Variants in POGLUT3 observed in about 807,000 individuals in gnomAD.
POGLUT3 encodes KDEL (Lys-Asp-Glu-Leu) containing 2.
POGLUT3 carries 48 observed loss-of-function variants against 54.3 expected under a neutral mutation model. The observed-to-expected ratio is 0.88, with a 90% CI of 0.70 to 1.12. POGLUT3 has a LOEUF of 1.12. Ranked by LOEUF, POGLUT3 falls within the 50% of genes most tolerant of loss-of-function variation. The probability of loss-of-function intolerance (pLI) is 0.00; values close to 1 mark genes in which losing one functional copy is unlikely to be tolerated. For synonymous variants in POGLUT3, 218 were observed against 237.4 expected (o/e 0.92, Z 0.75); for missense variants, 629 against 618.7 (o/e 1.02, Z -0.18).
In POGLUT3 at chr11:108,491,023, A is replaced by G; in HGVS notation, c.347T>C (p.Ile116Thr). ...MYETVDEGLK[I>T]EVLYGDEHVA... Reference sequence around the variant, plus strand: ...ATGTTCATCACCATAAAGGACCTCTATCTTCAGGCCTTCATCGACAGTTTC... The same window carrying G: ...ATGTTCATCACCATAAAGGACCTCTGTCTTCAGGCCTTCATCGACAGTTTC... The change falls in exon 2 of 8, where the codon ATA becomes ACA. Residue 116 changes from isoleucine to threonine, a missense_variant. Physicochemically the swap from Ile to Thr is moderately conservative, Grantham distance 89. Transcript: ENST00000323468. The G allele has an allele frequency of 6.2e-7, 1 of 1,614,084 alleles. No individual in the cohort carries two copies. The highest frequency in any genetic ancestry group is 1.1e-5 in the South Asian group (1 of 91,090).
chr11:108,477,053 T>C (rs2093583265), intron 7 of POGLUT3, among the ~76,000 whole-genome samples: 1 of 152,126 alleles, frequency 6.6e-6, no homozygotes, highest in South Asian at 2.1e-4. Flanking sequence ...GTTGCTAATC[T>C]ATATTTGTGA....
At chr11:108,476,178 G>A (rs2093581391) in intron 7 of POGLUT3, among the ~76,000 whole-genome samples, 1 of 152,154 alleles carries the variant, frequency 6.6e-6, no homozygotes, top group Admixed American at 6.5e-5. Context: ...TTGTTGCCCA[G>A]GCTGGAGTGC....
At chr11:108,490,845 C>T in intron 2 of POGLUT3, 125 bp downstream of exon 2, 1 of 589,302 alleles carries the variant, frequency 1.7e-6, no homozygotes, top group Non-Finnish European at 3.0e-6. Context: ...AAATTGAGCT[C>T]CAGGAGGTAT....
chr11:108,491,415 C>A, intron 1 of POGLUT3: 1 of 582,098 alleles, frequency 1.7e-6, no homozygotes, highest in Non-Finnish European at 3.0e-6. Context: ...AGTGCAGAGG[C>A]AGAATCCTAG....
chr11:108,487,852 TCCA>T (rs1313827470), intron 2 of POGLUT3, among the ~76,000 whole-genome samples: 3 of 152,082 alleles, frequency 2.0e-5, no homozygotes, highest in Non-Finnish European at 2.9e-5. Context: ...CCTCAGGTGA[TCCA>T]CCTGCCTCGG....
Position 108,498,179 on chromosome 11 carries a change from G to A in POGLUT3, c.188C>T (p.Thr63Ile). The A allele has an allele frequency of 6.6e-7, 1 of 1,517,944 alleles. No individual in the cohort carries two copies. Among genetic ancestry groups the A allele is most frequent in the Non-Finnish European group, 8.8e-7 (1 of 1,134,520 alleles). The allele number at this position is 1,517,944 out of a possible 1,614,324, so 94.0% of individuals were successfully genotyped here. A position where few individuals can be genotyped will look rare whatever the true frequency, so the allele number is the denominator to read the frequency against. ...QAVNSEGQNL[T>I]RSPAGETPFK... Reference sequence around the variant, plus strand: ...CTGGACACTACCTGCGGGAGAGCGAGTGAGGTTCTGGCCCTCCGAGTTGAC... The same window carrying A: ...CTGGACACTACCTGCGGGAGAGCGAATGAGGTTCTGGCCCTCCGAGTTGAC... Residue 63 changes from threonine (T) to isoleucine (I), a missense_variant, in exon 1 of 8, where the codon ACT becomes ATT. By Grantham distance (89) the Thr-to-Ile change is moderately conservative. Transcript: ENST00000323468.
At position 108,486,324 on chromosome 11, in the gene POGLUT3, T is replaced by C. The variant is rs753378716; in HGVS notation, c.517A>G (p.Ile173Val). Residue 173 changes from isoleucine to valine, a missense_variant, in exon 3 of 8, where the codon ATC becomes GTC. Physicochemically the swap from Ile to Val is conservative, Grantham distance 29. Coordinates refer to ENST00000323468, the MANE Select transcript of POGLUT3 (RefSeq NM_153705.5). ...IAKDFASFPS[I>V]NLQQMLKEVP... ...TCTTTTAGCATTTGCTGGAGATTGA[T>C]GCTGGGAAAGGAAGCAAAATCTTTT... 1.9e-6 allele frequency: 3 copies of C among 1,614,052 alleles called. No homozygotes were observed. Among genetic ancestry groups the C allele is most frequent in the South Asian group, 1.1e-5 (1 of 91,080 alleles).
Position 108,486,143 on chromosome 11 carries a change from A to T in POGLUT3, c.684+14T>A. 1 of 1,569,478 alleles carries T rather than the reference A, an allele frequency of 6.4e-7. No individual in the cohort carries two copies. The highest frequency in any genetic ancestry group is 8.8e-7 in the Non-Finnish European group (1 of 1,142,296). On this transcript the variant is annotated intron_variant, in intron 3 of 7. Transcript: ENST00000323468. The stretch of plus-strand genomic sequence containing the variant: ...AATAATTAAACTGTATTATCAATTC[A>T]TTCATTCTCCTACCTTTCTTGTCAA...
chr11:108,480,310 C>T (rs2093590001), intron 5 of POGLUT3, among the ~76,000 whole-genome samples: 1 of 152,166 alleles, frequency 6.6e-6, no homozygotes, highest in African/African-American at 2.4e-5. Flanking sequence ...AGGACTTGGG[C>T]AATGCTGGCA....
intron 1 of POGLUT3, among the ~76,000 whole-genome samples, chr11:108,497,915 A>C (rs1289121597): frequency 6.6e-6 from 1 of 152,218 alleles, no homozygotes; most frequent in Non-Finnish European, 1.5e-5. Flanking sequence ...TCCATTCGCA[A>C]CATCAGTCCC....
At chr11:108,497,185 A>C (rs2135869544) in intron 1 of POGLUT3, among the ~76,000 whole-genome samples, 1 of 152,362 alleles carries the variant, frequency 6.6e-6, no homozygotes, top group East Asian at 1.9e-4. Flanking sequence ...CAGCAGAATT[A>C]CCAAACACAG....
intron 6 of POGLUT3, 100 bp downstream of exon 6, chr11:108,479,201 T>C (rs2093587775): frequency 1.3e-6 from 1 of 780,970 alleles, no homozygotes; most frequent in African/African-American, 1.8e-5. Context: ...AATATTTCTT[T>C]TCATTCCATT....
intron 3 of POGLUT3, among the ~76,000 whole-genome samples, chr11:108,485,290 G>T (rs957688279): frequency 2.6e-4 from 40 of 152,328 alleles, no homozygotes; most frequent in Non-Finnish European, 4.7e-4. Context: ...AACAGCTGCA[G>T]AAGGTGAAAT....
intron 5 of POGLUT3, 79 bp downstream of exon 5, chr11:108,481,101 G>T: frequency 1.8e-6 from 2 of 1,087,702 alleles, no homozygotes; most frequent in Non-Finnish European, 2.7e-6. Flanking sequence ...GGTGAAATTT[G>T]CTGAAGCCCA....
At chr11:108,497,372 G>A (rs1163671667) in intron 1 of POGLUT3, among the ~76,000 whole-genome samples, 4 of 152,328 alleles carry the variant, frequency 2.6e-5, no homozygotes, top group African/African-American at 9.6e-5. Flanking sequence ...GGACTAGCAG[G>A]GGCAGAGGCA....
rs1365696613 is a variant in POGLUT3, at chr11:108,479,353, A to G, written c.1241T>C (p.Val414Ala). 2 of 1,612,802 alleles carry G rather than the reference A, an allele frequency of 1.2e-6. No individual in the cohort carries two copies. Among genetic ancestry groups the G allele is most frequent in the Non-Finnish European group, 8.5e-7 (1 of 1,179,808 alleles). Residue 414 changes from valine to alanine, a missense_variant, in exon 6 of 8, where the codon GTT (valine) becomes GCT (alanine). Physicochemically the swap from Val to Ala is moderately conservative, Grantham distance 64 (BLOSUM62 0). Coordinates refer to ENST00000323468, the MANE Select transcript of POGLUT3 (RefSeq NM_153705.5). ...YMALEPWKHYVPIKRNLSDLL... is the reference protein window; with the variant it reads ...YMALEPWKHYAPIKRNLSDLL... The stretch of plus-strand genomic sequence containing the variant: ...ATCACTCAGATTTCTTTTAATTGGA[A>G]CATAATGCTTCCAAGGTTCTAGTGC...
chr11:108,492,718 C>A (rs1420756873), intron 1 of POGLUT3, among the ~76,000 whole-genome samples: 2 of 151,958 alleles, frequency 1.3e-5, no homozygotes, highest in Non-Finnish European at 2.9e-5. Context: ...ATTTTAGGAT[C>A]CTTGAAACAA....
intron 3 of POGLUT3, among the ~76,000 whole-genome samples, chr11:108,482,696 A>C (rs2093595198): frequency 6.6e-6 from 1 of 152,174 alleles, no homozygotes; most frequent in Admixed American, 6.5e-5. Flanking sequence ...CAGTGAGCCA[A>C]GATCGCGCCA....
At chr11:108,475,060 G>T in intron 7 of POGLUT3, 108 bp from the exon 8 acceptor site, 1 of 1,184,166 alleles carries the variant, frequency 8.4e-7, no homozygotes, top group South Asian at 1.4e-5. Flanking sequence ...GTTGCTGTGT[G>T]TCTGCAGACT....
Sources: gnomAD v4.1 joint callset for allele counts (sites outside exome capture counted in the v4.1 genomes callset) on GRCh38, gnomAD v4.1.1 for gene constraint, MANE v1.5 for transcripts, NCBI Gene and HGNC (gene_info 2026-07-23, HGNC 2026-07-21) for gene names.